The following CAST variants were observed in gnomAD, a reference collection of about 807,000 sequenced individuals.
CAST encodes calpastatin.
CAST carries 76 observed loss-of-function variants against 119.6 expected under a neutral mutation model. That is an observed-to-expected ratio of 0.64 (90% CI 0.53 to 0.77). CAST has a LOEUF of 0.77. Ranked by LOEUF, CAST falls within the 30% of genes least tolerant of loss-of-function variation. CAST has a pLI of 0.00. For missense variants in CAST, 953 were observed against 946.5 expected, an observed-to-expected ratio of 1.01 and a Z score of -0.09; for synonymous variants, 319 against 331.6, an observed-to-expected ratio of 0.96 and a Z score of 0.41.
the CAST span, among the ~76,000 whole-genome samples, chr5:96,015,352 G>C: frequency 2.0e-5 from 3 of 151,836 alleles, no homozygotes; most frequent in Admixed American, 1.3e-4. Context: ...TAAAACTAAA[G>C]GCAAGATATA....
the CAST span, among the ~76,000 whole-genome samples, chr5:96,078,415 C>T: frequency 6.7e-5 from 10 of 149,386 alleles, no homozygotes; most frequent in East Asian, 2.0e-4. Flanking sequence ...TTTTTTTAGA[C>T]GGAGTTTTGC....
At chr5:96,487,495 A>G in the CAST span, among the ~76,000 whole-genome samples, 1 of 152,212 alleles carries the variant, frequency 6.6e-6, no homozygotes, top group Non-Finnish European at 1.5e-5. Flanking sequence ...ATGTTTAGAC[A>G]TTGGTCTCTC....
At chr5:96,004,672 G>A in the CAST span, among the ~76,000 whole-genome samples, 49 of 152,240 alleles carry the variant, frequency 3.2e-4, no homozygotes, top group Non-Finnish European at 5.4e-4. Flanking sequence ...CATTAGAGTT[G>A]ATGATTGGGT....
rs369419199 is a variant in CAST at position 96,561,886 on chromosome 5, A to G, written c.60+32006A>G. Among the ~76,000 whole-genome samples, 856 of 133,508 alleles carry G rather than the reference A, an allele frequency of 6.4e-3. 20 individuals are homozygous for G. The highest frequency in any genetic ancestry group is 0.03 in the Admixed American group (366 of 12,048). The allele number at this position is 133,508 out of a possible 152,430, so 87.6% of individuals were successfully genotyped here. On this transcript the variant is annotated intron_variant, in intron 1 of 11. Transcript: ENST00000505143. ...CGGCTCACTGCAAGCTCCGCCTCCC[A>G]GGTTCACGCCATTCTCCTGCCTCAG...
the CAST span, among the ~76,000 whole-genome samples, chr5:96,412,043 T>C: frequency 3.3e-5 from 5 of 152,208 alleles, no homozygotes; most frequent in African/African-American, 1.2e-4. Flanking sequence ...GTGTTTTTAG[T>C]AGAGGTGGGG....
chr5:96,103,587 A>T, the CAST span, among the ~76,000 whole-genome samples: 1 of 150,590 alleles, frequency 6.6e-6, no homozygotes, highest in African/African-American at 2.4e-5. Context: ...CATTTTCTTA[A>T]TCCAGTCTAT....
chr5:96,597,951 A>G (rs1747083369), intron 1 of CAST, among the ~76,000 whole-genome samples: 2 of 151,368 alleles, frequency 1.3e-5, no homozygotes, highest in African/African-American at 4.9e-5. Context: ...GGGGAGGGGG[A>G]GAGGCCAGCA....
chr5:96,502,809 T>A, the CAST span, among the ~76,000 whole-genome samples: 2 of 152,184 alleles, frequency 1.3e-5, no homozygotes, highest in Non-Finnish European at 2.9e-5. Flanking sequence ...GCCAGATTAA[T>A]CAATATGACT....
the CAST span, among the ~76,000 whole-genome samples, chr5:96,028,774 T>G: frequency 6.6e-6 from 1 of 152,130 alleles, no homozygotes; most frequent in Non-Finnish European, 1.5e-5. Context: ...AAAGCTGACG[T>G]TAATGAATAT....
chr5:95,969,461 C>T, the CAST span, among the ~76,000 whole-genome samples: 1 of 152,198 alleles, frequency 6.6e-6, no homozygotes, highest in East Asian at 1.9e-4. Flanking sequence ...GACCAATGAT[C>T]AGAGGAGGCT....
At chr5:96,074,310 T>C in the CAST span, among the ~76,000 whole-genome samples, 1 of 152,332 alleles carries the variant, frequency 6.6e-6, no homozygotes, top group East Asian at 1.9e-4. Context: ...ACCCCCAGTG[T>C]GGTGGTATTT....
chr5:96,202,258 A>C, the CAST span, among the ~76,000 whole-genome samples: 3 of 152,110 alleles, frequency 2.0e-5, no homozygotes, highest in African/African-American at 7.2e-5. Context: ...ATTTTTTTCC[A>C]GTTAATATGA....
the CAST span, among the ~76,000 whole-genome samples, chr5:96,160,331 C>G: frequency 6.6e-6 from 1 of 152,038 alleles, no homozygotes; most frequent in African/African-American, 2.4e-5. Flanking sequence ...ATTTGCATGT[C>G]CTGAACATTT....
the CAST span, among the ~76,000 whole-genome samples, chr5:96,418,128 G>C: frequency 6.6e-6 from 1 of 152,184 alleles, no homozygotes; most frequent in Non-Finnish European, 1.5e-5. Context: ...AGTGAGAGCT[G>C]CAGGAGGATC....
chr5:96,327,667 A>G, the CAST span, among the ~76,000 whole-genome samples: 1 of 152,194 alleles, frequency 6.6e-6, no homozygotes, highest in Admixed American at 6.5e-5. Flanking sequence ...CACAAAATAA[A>G]CGAGAAGGTT....
the CAST span, among the ~76,000 whole-genome samples, chr5:96,333,057 T>A: frequency 6.6e-6 from 1 of 152,124 alleles, no homozygotes; most frequent in Non-Finnish European, 1.5e-5. Flanking sequence ...GAAGTTCTTG[T>A]CTTTTTATAG....
At chr5:96,620,159 A>C (rs1296779276) in intron 1 of CAST, among the ~76,000 whole-genome samples, 1 of 152,178 alleles carries the variant, frequency 6.6e-6, no homozygotes, top group Non-Finnish European at 1.5e-5. Context: ...AATTCCTGCA[A>C]TTCTCTCCTC....
At chr5:96,218,745 G>A in the CAST span, among the ~76,000 whole-genome samples, 56 of 152,184 alleles carry the variant, frequency 3.7e-4, no homozygotes, top group Non-Finnish European at 7.2e-4. Context: ...TATTTCAGAC[G>A]AGCTGGATAG....
chr5:96,732,847 G>C (rs565139899), intron 9 of CAST, among the ~76,000 whole-genome samples: 1 of 152,296 alleles, frequency 6.6e-6, no homozygotes, highest in Admixed American at 6.5e-5. Flanking sequence ...AATCAGTTTG[G>C]AGAGCATGTA....
Sources: allele counts gnomAD v4.1 joint callset (sites outside exome capture counted in the v4.1 genomes callset), GRCh38; gene constraint gnomAD v4.1.1; transcripts MANE v1.5; gene names NCBI Gene and HGNC (gene_info 2026-07-23, HGNC 2026-07-21).